The following DOCK1 variants were observed in gnomAD, a reference collection of about 807,000 sequenced individuals.
DOCK1 encodes dedicator of cytokinesis 1.
DOCK1 carries 138 observed loss-of-function variants against 262.7 expected under a neutral mutation model. That is an observed-to-expected ratio of 0.53 (90% confidence interval 0.46 to 0.61). The LOEUF is 0.61. Among genes scored for constraint, DOCK1 ranks in the 20% least tolerant of loss-of-function variants. The pLI is 0.00. For synonymous variants in DOCK1, 866 were observed against 867.4 expected (o/e 1.00, Z 0.03); for missense variants, 1,908 against 2,370.7 (o/e 0.80, Z 4.05).
chr10:127,099,333 G>A (rs756351251), intron 23 of DOCK1, among the ~76,000 whole-genome samples: 7 of 152,158 alleles, frequency 4.6e-5, no homozygotes, highest in Non-Finnish European at 8.8e-5. Context: ...TATTGTCTAT[G>A]GGGAATACGG....
chr10:126,927,467 C>T (rs372799854), intron 1 of DOCK1, among the ~76,000 whole-genome samples: 1 of 151,808 alleles, frequency 6.6e-6, no homozygotes, highest in Non-Finnish European at 1.5e-5. Context: ...GAGACAGGGT[C>T]TCACTCTGTC....
rs138836999 is a variant in DOCK1 at position 127,191,176 on chromosome 10, C to T, written c.2848-56832C>T. The stretch of plus-strand genomic sequence containing the variant: ...GGAGTGCAATCTCAAGCATCACCCA[C>T]GAAGTGAGCCGGGGCATCACTCTCT... On this transcript the variant is annotated intron_variant, in intron 27 of 51. Coordinates refer to ENST00000623213, the MANE Select transcript of DOCK1 (RefSeq NM_001290223.2). Among the ~76,000 whole-genome samples, 1,087 of 152,246 alleles carry T rather than the reference C, an allele frequency of 7.1e-3. 32 individuals are homozygous for T. The highest frequency in any genetic ancestry group is 8.2e-3 in the African/African-American group (342 of 41,558).
In DOCK1 at chr10:127,404,363, G is replaced by A. The variant is rs758865822; in HGVS notation, c.4056G>A (p.Val1352=). The A allele has an allele frequency of 1.2e-6, 2 of 1,613,888 alleles. No individual in the cohort carries two copies. The highest frequency in any genetic ancestry group is 2.2e-5 in the South Asian group (2 of 91,002). Residue 1352 remains valine, a synonymous_variant, in exon 40 of 52, where the codon GTG becomes GTA. Transcript: ENST00000623213. ...AGTTTTATGAAAACATCGTCAAAGTGATCAGGCCCAAGCCTGACTATTTTG... is the reference window on the plus strand; with the variant it reads ...AGTTTTATGAAAACATCGTCAAAGTAATCAGGCCCAAGCCTGACTATTTTG... ...QAQFYENIVK[V]IRPKPDYFAV... is the part of the protein sequence containing the mutation.
chr10:127,225,997 G>A (rs1590022420), intron 27 of DOCK1, among the ~76,000 whole-genome samples: 1 of 150,378 alleles, frequency 6.6e-6, no homozygotes, highest in East Asian at 2.0e-4. Flanking sequence ...AGAATCGATT[G>A]AACTTGGGAG....
chr10:127,306,030 T>C (rs1208446478), intron 29 of DOCK1, among the ~76,000 whole-genome samples: 1 of 151,106 alleles, frequency 6.6e-6, no homozygotes, highest in Non-Finnish European at 1.5e-5. Flanking sequence ...TTTTTTTTTT[T>C]TTGAGACGGA....
intron 1 of DOCK1, among the ~76,000 whole-genome samples, chr10:126,956,961 A>C (rs1468301865): frequency 1.7e-4 from 26 of 152,056 alleles, no homozygotes; most frequent in African/African-American, 6.3e-4. Flanking sequence ...CACAGGGAGG[A>C]GGCAAAGTGC....
intron 50 of DOCK1, among the ~76,000 whole-genome samples, chr10:127,445,009 C>T (rs1034623525): frequency 1.3e-5 from 2 of 152,040 alleles, no homozygotes; most frequent in African/African-American, 4.8e-5. Context: ...ACTGCAAATC[C>T]AGGATGATCT....
chr10:127,108,524 TG>T (rs1277447795), intron 24 of DOCK1, among the ~76,000 whole-genome samples: 1 of 152,088 alleles, frequency 6.6e-6, no homozygotes, highest in Non-Finnish European at 1.5e-5. Flanking sequence ...AGGCAGAAAT[TG>T]CAGTGAGCCT....
At chr10:126,970,658 C>G (rs984333355) in intron 1 of DOCK1, 44 bp from the exon 2 acceptor site, 1 of 1,502,760 alleles carries the variant, frequency 6.7e-7, no homozygotes, top group Non-Finnish European at 9.2e-7. Context: ...ATGGTCACTT[C>G]TATCTTTACT....
At chr10:127,076,674 C>G (rs950863848) in intron 23 of DOCK1, among the ~76,000 whole-genome samples, 1 of 152,194 alleles carries the variant, frequency 6.6e-6, no homozygotes, top group African/African-American at 2.4e-5. Flanking sequence ...CACTGCTCAG[C>G]TCCTCTGGAA....
intron 27 of DOCK1, chr10:127,145,778 C>T (rs553801738): frequency 2.2e-4 from 67 of 299,776 alleles, no homozygotes; most frequent in African/African-American, 1.5e-3. Context: ...AGCTCCCACT[C>T]CATCCTGATA....
At chr10:127,069,002 C>T (rs1400747600) in intron 23 of DOCK1, among the ~76,000 whole-genome samples, 2 of 152,248 alleles carry the variant, frequency 1.3e-5, no homozygotes, top group African/African-American at 4.8e-5. Flanking sequence ...GCTGACCTCT[C>T]TGTCTATGGC....
chr10:126,938,733 A>G (rs1564992904), intron 1 of DOCK1, among the ~76,000 whole-genome samples: 1 of 150,984 alleles, frequency 6.6e-6, no homozygotes. Context: ...TTGCTGCTAC[A>G]TTCTCCAGAG....
At chr10:127,217,048 G>C (rs1479569470) in intron 27 of DOCK1, among the ~76,000 whole-genome samples, 3 of 152,126 alleles carry the variant, frequency 2.0e-5, no homozygotes, top group Non-Finnish European at 2.9e-5. Flanking sequence ...GGAAGAGAGG[G>C]AGAGGGAAGG....
intron 13 of DOCK1, 188 bp downstream of exon 13, chr10:127,019,023 T>C: frequency 2.2e-6 from 2 of 891,376 alleles, no homozygotes; most frequent in African/African-American, 1.7e-5. Context: ...ATATGCTCCC[T>C]GGCCCCCTGT....
intron 1 of DOCK1, among the ~76,000 whole-genome samples, chr10:126,946,300 A>G (rs1424180963): frequency 3.9e-5 from 6 of 152,226 alleles, no homozygotes; most frequent in African/African-American, 1.4e-4. Flanking sequence ...TATTCCTAGC[A>G]CTTTGGGAGG....
At chr10:127,207,201 G>C (rs1056795458) in intron 27 of DOCK1, among the ~76,000 whole-genome samples, 3 of 152,268 alleles carry the variant, frequency 2.0e-5, no homozygotes, top group African/African-American at 7.2e-5. Flanking sequence ...TAGTTCTAGA[G>C]CTTTATGAGA....
chr10:126,967,084 G>T (rs2037730857), intron 1 of DOCK1, among the ~76,000 whole-genome samples: 1 of 152,148 alleles, frequency 6.6e-6, no homozygotes, highest in Non-Finnish European at 1.5e-5. Flanking sequence ...CCATGAGCTT[G>T]TTCTCTATGG....
At chr10:127,070,058 C>T (rs1048810299) in intron 23 of DOCK1, among the ~76,000 whole-genome samples, 17 of 152,096 alleles carry the variant, frequency 1.1e-4, no homozygotes, top group African/African-American at 4.1e-4. Context: ...ATGCCTTGCT[C>T]CAGTCTCTGC....
Sources: gnomAD v4.1 joint callset for allele counts (sites outside exome capture counted in the v4.1 genomes callset) on GRCh38, gnomAD v4.1.1 for gene constraint, MANE v1.5 for transcripts, NCBI Gene and HGNC (gene_info 2026-07-23, HGNC 2026-07-21) for gene names.